The following PRKACB variants were observed in gnomAD, a reference collection of about 807,000 sequenced individuals.
The protein encoded by PRKACB is cAMP-dependent protein kinase catalytic subunit beta.
Under a neutral mutation model 51.4 loss-of-function variants are expected in PRKACB, and 16 were observed. That is an observed-to-expected ratio of 0.31 (90% CI 0.21 to 0.47). The LOEUF (loss-of-function observed/expected upper bound fraction) is 0.47, where lower values mean the gene tolerates loss of function less well. PRKACB is among the 20% of genes least tolerant of loss of function. The pLI is 1.00. For missense variants in PRKACB, 309 were observed against 464.5 expected, an observed-to-expected ratio of 0.67 and a Z score of 3.08; for synonymous variants, 147 against 154.4, an observed-to-expected ratio of 0.95 and a Z score of 0.35.
intron 8 of PRKACB, among the ~76,000 whole-genome samples, chr1:84,211,891 C>G (rs1672191180): frequency 6.6e-6 from 1 of 152,052 alleles, no homozygotes; most frequent in South Asian, 2.1e-4. Flanking sequence ...GTTCACATAT[C>G]TTATTATTTT....
At chr1:84,168,115 A>G (rs1418496924) in intron 1 of PRKACB, among the ~76,000 whole-genome samples, 2 of 151,636 alleles carry the variant, frequency 1.3e-5, no homozygotes, top group Non-Finnish European at 3.0e-5. Flanking sequence ...CTTAAGCAGA[A>G]GAAGATACAG....
rs567387096 is a variant in PRKACB, at chr1:84,181,849, A to T, written c.250-351A>T. 14 of 647,602 alleles carry T rather than the reference A, an allele frequency of 2.2e-5. No individual in the cohort carries two copies. The South Asian group carries it at 4.7e-4, about 22-fold the overall frequency. The allele number at this position is 647,602 out of a possible 1,614,324, so 40.1% of individuals were successfully genotyped here. A position where few individuals can be genotyped will look rare whatever the true frequency, so the allele number is the denominator to read the frequency against. On this transcript the variant is annotated intron_variant, in intron 2 of 9. Coordinates refer to ENST00000370685, the MANE Select transcript of PRKACB (RefSeq NM_182948.4). ...TCAGTATGCCTCTGGTCAGTTTGTA[A>T]TTATTAAAATATGAAACTAATTTAT...
intron 9 of PRKACB, among the ~76,000 whole-genome samples, chr1:84,228,978 T>C (rs1675112377): frequency 6.6e-6 from 1 of 151,416 alleles, no homozygotes; most frequent in African/African-American, 2.4e-5. Flanking sequence ...ATGTGCACAA[T>C]GTGCAGGTTA....
chr1:84,128,007 CTTTTTTTTTTTTT>C (rs10537848), intron 1 of PRKACB, among the ~76,000 whole-genome samples: 8 of 105,398 alleles, frequency 7.6e-5, no homozygotes, highest in African/African-American at 2.8e-4. Flanking sequence ...CTTTTTTTTT[CTTTTTTTTTTTTT>C]TTTTTGAGAC....
chr1:84,093,269 A>ATCTCTCTCTC (rs375522844), intron 1 of PRKACB, among the ~76,000 whole-genome samples: 3 of 146,232 alleles, frequency 2.1e-5, no homozygotes, highest in Non-Finnish European at 3.0e-5. Context: ...AAGTGTGTGC[A>ATCTCTCTCTC]TCTCTCTCTC....
intron 1 of PRKACB, among the ~76,000 whole-genome samples, chr1:84,146,773 A>G (rs923905077): frequency 1.8e-4 from 27 of 152,144 alleles, no homozygotes; most frequent in African/African-American, 6.5e-4. Context: ...GCATGCTTCA[A>G]TCCAAGTTTC....
intron 1 of PRKACB, among the ~76,000 whole-genome samples, chr1:84,165,836 G>T (rs1657261604): frequency 6.6e-6 from 1 of 151,732 alleles, no homozygotes; most frequent in African/African-American, 2.4e-5. Flanking sequence ...GCTTAAATAA[G>T]ATGCTTGGAA....
intron 1 of PRKACB, among the ~76,000 whole-genome samples, chr1:84,147,542 C>T (rs1474845617): frequency 6.6e-6 from 1 of 151,820 alleles, no homozygotes; most frequent in Non-Finnish European, 1.5e-5. Context: ...AGTAAGTAAG[C>T]AAGTTTCCAG....
Position 84,190,904 on chromosome 1 carries a change from A to C in PRKACB, c.561-5712A>C, listed in dbSNP as rs114217333. Among the ~76,000 whole-genome samples the C allele has an allele frequency of 3.8e-3, 581 of 151,726 alleles. 3 individuals are homozygous for C. The highest frequency in any genetic ancestry group is 0.013 in the African/African-American group (558 of 41,368). ...ATGGTAGTTCTTTCTCCATCCCTTT[A>C]CTTTGAGCTTGTGAGTGTCCTTATA... On this transcript the variant is annotated intron_variant, in intron 5 of 9. Transcript: ENST00000370685.
At chr1:84,205,151 T>C (rs1440911354) in intron 8 of PRKACB, 4 of 982,690 alleles carry the variant, frequency 4.1e-6, no homozygotes, top group Non-Finnish European at 4.8e-6. Context: ...CCATGTGGGA[T>C]ATAAAATTAT....
intron 8 of PRKACB, among the ~76,000 whole-genome samples, chr1:84,211,238 A>G (rs1672102004): frequency 6.6e-6 from 1 of 152,190 alleles, no homozygotes; most frequent in South Asian, 2.1e-4. Flanking sequence ...CATGCATTCC[A>G]CTGCATATTA....
chr1:84,091,661 T>A (rs1648480114), intron 1 of PRKACB, among the ~76,000 whole-genome samples: 1 of 152,024 alleles, frequency 6.6e-6, no homozygotes, highest in Admixed American at 6.6e-5. Context: ...TGTGCCGCCC[T>A]GCCTGGCTAA....
chr1:84,214,597 A>G (rs1672620986), intron 9 of PRKACB, among the ~76,000 whole-genome samples: 1 of 150,156 alleles, frequency 6.7e-6, no homozygotes, highest in Non-Finnish European at 1.5e-5. Context: ...AGTTCAAGTG[A>G]TTCTCCTGCT....
chr1:84,202,975 G>GA (rs1558264288), intron 8 of PRKACB, among the ~76,000 whole-genome samples, 170 bp downstream of exon 8: 1 of 151,388 alleles, frequency 6.6e-6, no homozygotes. Context: ...AGTCTCTTAA[G>GA]AAAAAAAGGG....
At chr1:84,090,367 A>G (rs879361173) in intron 1 of PRKACB, among the ~76,000 whole-genome samples, 1 of 152,158 alleles carries the variant, frequency 6.6e-6, no homozygotes, top group Non-Finnish European at 1.5e-5. Flanking sequence ...TGTCTGTTAT[A>G]TTTATCTATT....
At chr1:84,129,837 C>T (rs12750691) in intron 1 of PRKACB, among the ~76,000 whole-genome samples, 65,572 of 152,028 alleles carry the variant, frequency 0.43, 15,699 homozygotes, top group Non-Finnish European at 0.56. Flanking sequence ...TAGTGAATTT[C>T]CTGCTTTTAG....
At chr1:84,176,112 A>G (rs931486608) in intron 1 of PRKACB, among the ~76,000 whole-genome samples, 3 of 151,806 alleles carry the variant, frequency 2.0e-5, no homozygotes, top group African/African-American at 4.8e-5. Flanking sequence ...AGATGTTCCA[A>G]GCTCTGAAAC....
intron 1 of PRKACB, among the ~76,000 whole-genome samples, chr1:84,154,640 G>A (rs1655233119): frequency 6.6e-6 from 1 of 152,102 alleles, no homozygotes; most frequent in African/African-American, 2.4e-5. Flanking sequence ...TATCCCTGAT[G>A]AACATAGATG....
chr1:84,119,644 A>G (rs17373002), intron 1 of PRKACB, among the ~76,000 whole-genome samples: 1,736 of 152,178 alleles, frequency 0.011, 25 homozygotes, highest in Non-Finnish European at 0.015. Flanking sequence ...GACTTTCCAC[A>G]GCCCTAGTAC....
Sources: gnomAD v4.1 joint callset for allele counts (sites outside exome capture counted in the v4.1 genomes callset) on GRCh38, gnomAD v4.1.1 for gene constraint, MANE v1.5 for transcripts, NCBI Gene and HGNC (gene_info 2026-07-23, HGNC 2026-07-21) for gene names.